The following LRRC28 variants were observed in gnomAD, a reference collection of about 807,000 sequenced individuals.
LRRC28 encodes the protein leucine rich repeat containing 28.
In LRRC28, 39 loss-of-function variants were observed where a neutral mutation model predicts 45.7. That is an observed-to-expected ratio of 0.85 (90% CI 0.66 to 1.12). The LOEUF (loss-of-function observed/expected upper bound fraction) is 1.12, where lower values mean the gene tolerates loss of function less well. LRRC28 is among the 50% of genes most tolerant of loss of function. LRRC28 has a pLI of 0.00. For missense variants in LRRC28, 435 were observed against 438.5 expected (o/e 0.99, Z 0.07); for synonymous variants, 206 against 178.8 (o/e 1.15, Z -1.22).
rs962167310 is a variant in LRRC28 at position 99,389,287 on chromosome 15, A to G, written c.*3185A>G. 1.3e-5 allele frequency: 2 copies of G among 152,260 alleles called. No individual in the cohort carries two copies. The highest frequency in any genetic ancestry group is 2.4e-5 in the African/African-American group (1 of 41,542). 9.4% of individuals were successfully genotyped at this position (152,260 alleles called of 1,614,324 possible). A position where few individuals can be genotyped will look rare whatever the true frequency, so the allele number is the denominator to read the frequency against. On this transcript the variant is annotated 3_prime_UTR_variant, in exon 10 of 10. Transcript: ENST00000301981. ...GAGCATTACGAATTAAAATCTTTAC[A>G]GTCTAGGGGGAAAAAAAGGCTTCAA...
intron 9 of LRRC28, among the ~76,000 whole-genome samples, chr15:99,378,457 T>C (rs1227547568): frequency 6.6e-6 from 1 of 152,222 alleles, no homozygotes; most frequent in Non-Finnish European, 1.5e-5. Flanking sequence ...GATGGGGTTT[T>C]CTAAATATAC....
intron 7 of LRRC28, among the ~76,000 whole-genome samples, chr15:99,360,795 G>A (rs1390455588): frequency 6.6e-6 from 1 of 152,194 alleles, no homozygotes; most frequent in Non-Finnish European, 1.5e-5. Flanking sequence ...TGGCTGCAGG[G>A]AATAGGGCAT....
intron 5 of LRRC28, among the ~76,000 whole-genome samples, chr15:99,309,271 C>A (rs984682003): frequency 6.6e-6 from 1 of 152,234 alleles, no homozygotes; most frequent in East Asian, 1.9e-4. Flanking sequence ...GGAACCAACC[C>A]CTGGGTTCAA....
At chr15:99,368,098 C>T (rs1228721901) in intron 9 of LRRC28, among the ~76,000 whole-genome samples, 1 of 152,066 alleles carries the variant, frequency 6.6e-6, no homozygotes, top group African/African-American at 2.4e-5. Context: ...TTCACAATAC[C>T]ACATCCCCCA....
chr15:99,386,071 A>G lies in LRRC28; in HGVS notation c.1073A>G (p.Gln358Arg), dbSNP rs1957979313. Reference sequence around the variant, plus strand: ...TTTGTGGCTTACTGCTGCTCCACCCAGTGTCTGCAGACTTTTGACCTGCTG... The same window carrying G: ...TTTGTGGCTTACTGCTGCTCCACCCGGTGTCTGCAGACTTTTGACCTGCTG... ...VSFVAYCCST[Q>R]CLQTFDLLS The change falls in exon 10 of 10, where the codon CAG becomes CGG. Residue 358 changes from glutamine to arginine, a missense_variant. Coordinates refer to ENST00000301981, the MANE Select transcript of LRRC28 (RefSeq NM_144598.5). The G allele has an allele frequency of 1.2e-6, 2 of 1,614,150 alleles. No homozygotes were observed. Among genetic ancestry groups the G allele is most frequent in the Admixed American group, 1.7e-5 (1 of 60,022 alleles).
Position 99,386,161 on chromosome 15 carries a change from C to T in LRRC28, c.*59C>T. 1 of 1,316,416 alleles carries T rather than the reference C, an allele frequency of 7.6e-7. No individual in the cohort carries two copies. Among genetic ancestry groups the T allele is most frequent in the Non-Finnish European group, 1.1e-6 (1 of 908,386 alleles). The allele number at this position is 1,316,416 out of a possible 1,614,324, so 81.5% of individuals were successfully genotyped here. A position where few individuals can be genotyped will look rare whatever the true frequency, so the allele number is the denominator to read the frequency against. ...TTGACACTGGGGAATCCAGCCAGTC[C>T]AGCACACTCTTCCATCCTGTCCTGT... On this transcript the variant is annotated 3_prime_UTR_variant, in exon 10 of 10. Coordinates refer to ENST00000301981, the MANE Select transcript of LRRC28 (RefSeq NM_144598.5).
chr15:99,328,395 G>C (rs1157087045), intron 5 of LRRC28, among the ~76,000 whole-genome samples: 2 of 152,128 alleles, frequency 1.3e-5, no homozygotes, highest in African/African-American at 2.4e-5. Context: ...TAGGGAAGGA[G>C]TTTTAGTACA....
chr15:99,331,521 T>G (rs2152290982), intron 5 of LRRC28, among the ~76,000 whole-genome samples: 1 of 152,352 alleles, frequency 6.6e-6, no homozygotes, highest in Non-Finnish European at 1.5e-5. Context: ...TTTGTCAGCC[T>G]AGGATCTCTT....
intron 6 of LRRC28, among the ~76,000 whole-genome samples, chr15:99,336,868 T>C (rs1333778808): frequency 6.6e-6 from 1 of 152,220 alleles, no homozygotes; most frequent in Admixed American, 6.5e-5. Flanking sequence ...TCTCTTGTCT[T>C]GGTTATTCCA....
chr15:99,332,659 C>T (rs1407419926), intron 5 of LRRC28, among the ~76,000 whole-genome samples: 1 of 152,140 alleles, frequency 6.6e-6, no homozygotes, highest in Non-Finnish European at 1.5e-5. Context: ...TTTCAGCTTG[C>T]AGGCAGGACA....
intron 5 of LRRC28, among the ~76,000 whole-genome samples, chr15:99,315,533 A>C (rs1955562932): frequency 6.6e-6 from 1 of 152,230 alleles, no homozygotes; most frequent in Non-Finnish European, 1.5e-5. Context: ...TTTGTTGATT[A>C]AACTCAATTT....
intron 5 of LRRC28, among the ~76,000 whole-genome samples, chr15:99,316,887 G>A (rs1015801157): frequency 1.3e-5 from 2 of 152,060 alleles, no homozygotes; most frequent in African/African-American, 4.8e-5. Context: ...CAGGCTGGAG[G>A]AGTACAGTGG....
intron 9 of LRRC28, among the ~76,000 whole-genome samples, chr15:99,381,160 C>A (rs962550890): frequency 2.0e-5 from 3 of 152,214 alleles, no homozygotes; most frequent in Admixed American, 2.0e-4. Context: ...CCATCACTTT[C>A]AAGTATACCA....
At chr15:99,332,942 A>T (rs1956205571) in intron 5 of LRRC28, among the ~76,000 whole-genome samples, 1 of 152,210 alleles carries the variant, frequency 6.6e-6, no homozygotes, top group Admixed American at 6.5e-5. Context: ...ACCTTAACCT[A>T]GGAGGAATGA....
intron 5 of LRRC28, among the ~76,000 whole-genome samples, chr15:99,317,733 G>A (rs1955647676): frequency 6.6e-6 from 1 of 152,020 alleles, no homozygotes; most frequent in South Asian, 2.1e-4. Flanking sequence ...TTTGGAAAAT[G>A]TTAATATTCT....
chr15:99,369,694 T>A (rs7181449), intron 9 of LRRC28, among the ~76,000 whole-genome samples: 20,058 of 152,232 alleles, frequency 0.13, 1,538 homozygotes, highest in East Asian at 0.31. Context: ...AAAATGCCTT[T>A]ACAGCAACAG....
intron 4 of LRRC28, 93 bp from the exon 5 acceptor site, chr15:99,287,721 G>A (rs2081995378): frequency 2.2e-6 from 3 of 1,352,240 alleles, no homozygotes; most frequent in Non-Finnish European, 3.0e-6. Flanking sequence ...AGGAAATTAA[G>A]TAGTAAAATA....
At chr15:99,328,123 T>A (rs774620303) in intron 5 of LRRC28, among the ~76,000 whole-genome samples, 13 of 152,364 alleles carry the variant, frequency 8.5e-5, no homozygotes, top group Non-Finnish European at 1.6e-4. Flanking sequence ...TAGTCTAGCA[T>A]GTGGTCTGTC....
At chr15:99,370,763 G>GC (rs1957463230) in intron 9 of LRRC28, among the ~76,000 whole-genome samples, 1 of 151,980 alleles carries the variant, frequency 6.6e-6, no homozygotes, top group East Asian at 1.9e-4. Flanking sequence ...GCAATTATAG[G>GC]TGTGAATATA....
Sources: gnomAD v4.1 joint callset for allele counts (sites outside exome capture counted in the v4.1 genomes callset) on GRCh38, gnomAD v4.1.1 for gene constraint, MANE v1.5 for transcripts, NCBI Gene and HGNC (gene_info 2026-07-23, HGNC 2026-07-21) for gene names.